The following OLA1 variants were observed in gnomAD, a reference collection of about 807,000 sequenced individuals.
The protein encoded by OLA1 is Obg like ATPase 1, also known as obg-like ATPase 1.
Under a neutral mutation model 48.4 loss-of-function variants are expected in OLA1, and 14 were observed. That is an observed-to-expected ratio of 0.29 (90% CI 0.19 to 0.45). The LOEUF is 0.45. Among genes scored for constraint, OLA1 ranks in the 20% least tolerant of loss-of-function variants. OLA1 has a pLI of 1.00. For synonymous variants in OLA1, 127 were observed against 150.4 expected, an observed-to-expected ratio of 0.84 and a Z score of 1.14; for missense variants, 325 against 467.1, an observed-to-expected ratio of 0.70 and a Z score of 2.80.
intron 3 of OLA1, among the ~76,000 whole-genome samples, chr2:174,224,722 C>T (rs1010584793): frequency 6.6e-6 from 1 of 152,132 alleles, no homozygotes; most frequent in Non-Finnish European, 1.5e-5. Context: ...GAAGCAATCC[C>T]GTTTCACTCT....
At chr2:174,228,845 G>GGT (rs1488495042) in intron 3 of OLA1, among the ~76,000 whole-genome samples, 1 of 151,834 alleles carries the variant, frequency 6.6e-6, no homozygotes, top group Non-Finnish European at 1.5e-5. Flanking sequence ...TTAACAACTG[G>GGT]GTATACCCTT....
intron 4 of OLA1, among the ~76,000 whole-genome samples, chr2:174,204,293 C>A (rs900364817): frequency 6.6e-6 from 1 of 151,820 alleles, no homozygotes; most frequent in African/African-American, 2.4e-5. Flanking sequence ...CCCAGCTACT[C>A]GGGAGGCTGA....
intron 4 of OLA1, among the ~76,000 whole-genome samples, chr2:174,216,349 A>C (rs1337112821): frequency 1.3e-5 from 2 of 152,082 alleles, no homozygotes; most frequent in African/African-American, 4.8e-5. Context: ...GGACCTATAC[A>C]AAGTGCTATT....
intron 3 of OLA1, among the ~76,000 whole-genome samples, 182 bp downstream of exon 3, chr2:174,229,126 G>A (rs971865564): frequency 2.0e-5 from 3 of 152,022 alleles, no homozygotes; most frequent in African/African-American, 7.2e-5. Context: ...TGCCCTCCTG[G>A]GCCTCCCAAA....
chr2:174,214,085 C>T (rs1559008569), intron 4 of OLA1, among the ~76,000 whole-genome samples: 1 of 151,884 alleles, frequency 6.6e-6, no homozygotes, highest in Admixed American at 6.6e-5. Context: ...GTAATCCCAG[C>T]ACTTTGGGAG....
intron 4 of OLA1, among the ~76,000 whole-genome samples, chr2:174,173,565 T>TA (rs1687355049): frequency 6.6e-6 from 1 of 152,144 alleles, no homozygotes; most frequent in Non-Finnish European, 1.5e-5. Flanking sequence ...TGATTTTTTT[T>TA]ATAAGTCAAA....
intron 7 of OLA1, among the ~76,000 whole-genome samples, chr2:174,108,550 G>A (rs1297856962): frequency 2.0e-5 from 3 of 152,096 alleles, no homozygotes; most frequent in Non-Finnish European, 4.4e-5. Flanking sequence ...CCAAACCACT[G>A]TAAACCTAAA....
intron 4 of OLA1, among the ~76,000 whole-genome samples, chr2:174,202,719 T>C (rs1482992155): frequency 6.6e-6 from 1 of 152,184 alleles, no homozygotes; most frequent in African/African-American, 2.4e-5. Context: ...AAACAGATAA[T>C]ATGAACTTAT....
chr2:174,159,326 T>C (rs1037399472), intron 4 of OLA1, among the ~76,000 whole-genome samples: 1 of 152,202 alleles, frequency 6.6e-6, no homozygotes, highest in Non-Finnish European at 1.5e-5. Flanking sequence ...TGGTCTACTT[T>C]GTAGGATAAA....
chr2:174,203,788 A>T (rs1688045266), intron 4 of OLA1, among the ~76,000 whole-genome samples: 1 of 146,290 alleles, frequency 6.8e-6, no homozygotes, highest in African/African-American at 2.6e-5. Flanking sequence ...CAGTTGGTTA[A>T]ACGGAGTAGG....
chr2:174,237,087 C>G (rs900780073), intron 2 of OLA1, among the ~76,000 whole-genome samples: 2 of 152,154 alleles, frequency 1.3e-5, no homozygotes, highest in African/African-American at 4.8e-5. Context: ...TGTAATAACA[C>G]TTAGCTTAAA....
chr2:174,181,111 T>A (rs551148893), intron 4 of OLA1, among the ~76,000 whole-genome samples: 1 of 152,212 alleles, frequency 6.6e-6, no homozygotes, highest in Admixed American at 6.5e-5. Flanking sequence ...TACATTCTAG[T>A]ATGGCAAAAC....
At chr2:174,181,343 G>C (rs1173492922) in intron 4 of OLA1, among the ~76,000 whole-genome samples, 1 of 152,166 alleles carries the variant, frequency 6.6e-6, no homozygotes, top group Non-Finnish European at 1.5e-5. Flanking sequence ...ACAAAGAAAT[G>C]AAACAGTAGC....
At chr2:174,149,974 C>A (rs1379448199) in intron 4 of OLA1, among the ~76,000 whole-genome samples, 4 of 152,142 alleles carry the variant, frequency 2.6e-5, no homozygotes, top group Admixed American at 2.0e-4. Flanking sequence ...AGTAAAGAAT[C>A]CCTAGATAGA....
At chr2:174,247,080 G>A in intron 1 of OLA1, 1 of 231,688 alleles carries the variant, frequency 4.3e-6, no homozygotes, top group Non-Finnish European at 8.4e-6. Flanking sequence ...GTTGGGCCGG[G>A]CACGGTGGCT....
intron 5 of OLA1, among the ~76,000 whole-genome samples, chr2:174,133,549 CA>C (rs1450565437): frequency 2.0e-5 from 3 of 152,048 alleles, no homozygotes; most frequent in African/African-American, 7.2e-5. Flanking sequence ...TTAGTAGAGA[CA>C]GGGTTATGCC....
At chr2:174,174,567 T>A (rs1466047550) in intron 4 of OLA1, among the ~76,000 whole-genome samples, 2 of 152,032 alleles carry the variant, frequency 1.3e-5, no homozygotes, top group South Asian at 4.1e-4. Context: ...ATATCACTTA[T>A]AATAGCAGCA....
chr2:174,212,959 C>T (rs1029670587), intron 4 of OLA1, among the ~76,000 whole-genome samples: 7 of 152,004 alleles, frequency 4.6e-5, no homozygotes, highest in African/African-American at 7.3e-5. Context: ...TACACTCTAA[C>T]GAGAAAAAGT....
chr2:174,225,882 G>C (rs182510794), intron 3 of OLA1, among the ~76,000 whole-genome samples: 1 of 152,232 alleles, frequency 6.6e-6, no homozygotes, highest in East Asian at 1.9e-4. Flanking sequence ...TCAGCTCTGA[G>C]ATTCTATTTT....
Sources: gnomAD v4.1 joint callset for allele counts (sites outside exome capture counted in the v4.1 genomes callset) on GRCh38, gnomAD v4.1.1 for gene constraint, MANE v1.5 for transcripts, NCBI Gene and HGNC (gene_info 2026-07-23, HGNC 2026-07-21) for gene names.